The following CTNNA3 variants were observed in gnomAD, a reference collection of about 807,000 sequenced individuals.
CTNNA3 encodes the protein catenin alpha 3.
In CTNNA3, 76 loss-of-function variants were observed where a neutral mutation model predicts 95.7. That is an observed-to-expected ratio of 0.79 (90% CI 0.66 to 0.96). The LOEUF is 0.96. CTNNA3 is among the 40% of genes least tolerant of loss of function. The probability of loss-of-function intolerance (pLI) is 0.00; values close to 1 mark genes in which losing one functional copy is unlikely to be tolerated. For synonymous variants in CTNNA3, 431 were observed against 374.4 expected (o/e 1.15, Z -1.74); for missense variants, 1,191 against 1,089.8 (o/e 1.09, Z -1.31).
chr10:66,059,338 T>C (rs1002980521), intron 15 of CTNNA3, among the ~76,000 whole-genome samples: 2 of 152,144 alleles, frequency 1.3e-5, no homozygotes, highest in Non-Finnish European at 1.5e-5. Context: ...ATAATGAAGG[T>C]CCTTTCCGTT....
chr10:67,277,604 G>A (rs1472774674), intron 5 of CTNNA3, among the ~76,000 whole-genome samples: 2 of 152,100 alleles, frequency 1.3e-5, no homozygotes, highest in Non-Finnish European at 2.9e-5. Context: ...GTCACAGGAT[G>A]AGATGGGAAG....
At chr10:67,157,732 G>A (rs543386320) in intron 7 of CTNNA3, among the ~76,000 whole-genome samples, 15 of 152,244 alleles carry the variant, frequency 9.9e-5, no homozygotes, top group Admixed American at 8.5e-4. Context: ...TGGAGAAACT[G>A]TAATAAGAGA....
intron 1 of CTNNA3, among the ~76,000 whole-genome samples, chr10:67,744,366 G>A (rs932020443): frequency 6.6e-6 from 1 of 151,218 alleles, no homozygotes; most frequent in African/African-American, 2.4e-5. Context: ...ACAACTATCT[G>A]ATCTTTGACA....
At chr10:66,966,716 G>A (rs779692716) in intron 7 of CTNNA3, among the ~76,000 whole-genome samples, 7 of 152,014 alleles carry the variant, frequency 4.6e-5, no homozygotes, top group Non-Finnish European at 1.0e-4. Flanking sequence ...AAGTTTTGGG[G>A]TGATCACTGA....
chr10:66,178,442 TAC>T lies in CTNNA3; in HGVS notation c.1885-75195_1885-75194del, dbSNP rs1564733880. Among the ~76,000 whole-genome samples the T allele has an allele frequency of 1.0e-4, 10 of 95,492 alleles. No individual in the cohort carries two copies. In the South Asian group the frequency reaches 2.5e-3, roughly 24 times the overall value. The allele number at this position is 95,492 out of a possible 152,430, so 62.6% of individuals were successfully genotyped here. Reference sequence around the variant, plus strand: ...ATATATATATATATATATATATATATACACACACAGATATAGAAAGAGAGAGG... The same window carrying T: ...ATATATATATATATATATATATATATACACACAGATATAGAAAGAGAGAGG... On this transcript the variant is annotated intron_variant, in intron 13 of 17. Coordinates refer to ENST00000433211, the MANE Select transcript of CTNNA3 (RefSeq NM_013266.4).
chr10:66,431,347 A>T (rs977221490), intron 11 of CTNNA3, among the ~76,000 whole-genome samples: 9 of 152,322 alleles, frequency 5.9e-5, no homozygotes, highest in African/African-American at 9.6e-5. Flanking sequence ...GCAATTCCTC[A>T]GGGATCCAGA....
intron 13 of CTNNA3, among the ~76,000 whole-genome samples, chr10:66,280,078 C>T (rs1023759582): frequency 2.0e-5 from 3 of 151,956 alleles, no homozygotes; most frequent in Non-Finnish European, 2.9e-5. Flanking sequence ...TAAAATACCA[C>T]GTTTTCCTAT....
chr10:66,872,671 A>AAATAATAATAATAATAATAAT (rs35006931), intron 7 of CTNNA3, among the ~76,000 whole-genome samples: 3 of 145,506 alleles, frequency 2.1e-5, no homozygotes, highest in African/African-American at 8.0e-5. Flanking sequence ...CCCGTCTCAA[A>AAATAATAATAATAATAATAAT]AATAATAATA....
At chr10:67,395,530 C>T (rs1844678221) in intron 5 of CTNNA3, among the ~76,000 whole-genome samples, 1 of 152,200 alleles carries the variant, frequency 6.6e-6, no homozygotes, top group Admixed American at 6.5e-5. Context: ...AACATCAACA[C>T]TATGGTGCTG....
At chr10:67,098,017 AAC>A in intron 7 of CTNNA3, 1 of 562,060 alleles carries the variant, frequency 1.8e-6, no homozygotes, top group Admixed American at 3.1e-5. Flanking sequence ...TTTTGACTTA[AAC>A]AGAGTATGAC....
At chr10:67,703,835 T>A (rs1041156127) in intron 1 of CTNNA3, among the ~76,000 whole-genome samples, 8 of 152,230 alleles carry the variant, frequency 5.3e-5, no homozygotes, top group Non-Finnish European at 1.2e-4. Flanking sequence ...GAAGTCAAAT[T>A]GTCCCTGTTT....
intron 5 of CTNNA3, among the ~76,000 whole-genome samples, chr10:67,228,644 T>C (rs1437960810): frequency 1.3e-5 from 2 of 151,906 alleles, no homozygotes; most frequent in African/African-American, 4.8e-5. Context: ...CAGGAGATAT[T>C]ACAACTGATA....
chr10:67,025,636 T>A (rs889472761), intron 7 of CTNNA3, among the ~76,000 whole-genome samples: 1 of 152,216 alleles, frequency 6.6e-6, no homozygotes, highest in Non-Finnish European at 1.5e-5. Flanking sequence ...AAAATCTATA[T>A]AGCAAGTTGA....
At chr10:67,041,429 T>G (rs1854390587) in intron 7 of CTNNA3, among the ~76,000 whole-genome samples, 1 of 152,134 alleles carries the variant, frequency 6.6e-6, no homozygotes, top group Non-Finnish European at 1.5e-5. Flanking sequence ...ATACCTATGT[T>G]GCAAATATCA....
At chr10:66,834,517 G>C (rs1004666598) in intron 7 of CTNNA3, among the ~76,000 whole-genome samples, 1 of 152,180 alleles carries the variant, frequency 6.6e-6, no homozygotes, top group African/African-American at 2.4e-5. Context: ...AGCAAATTCA[G>C]TGACCTACCC....
In CTNNA3 at chr10:66,927,291, T is replaced by C. The variant is rs1462558592; in HGVS notation, c.1048-151767A>G. The C allele has an allele frequency of 6.2e-7, 1 of 1,614,042 alleles. No homozygotes were observed. Among genetic ancestry groups the C allele is most frequent in the Admixed American group, 1.7e-5 (1 of 60,002 alleles). On this transcript the variant is annotated intron_variant, in intron 7 of 17. Coordinates refer to ENST00000433211, the MANE Select transcript of CTNNA3 (RefSeq NM_013266.4). The surrounding 1 kb of genome is among the most constrained non-coding windows in gnomAD (Gnocchi z 4.7). The stretch of plus-strand genomic sequence containing the variant: ...GTTCCAATAGAATCTCCTATTTTCT[T>C]AACAATACCTTCAGACCTGTGACAA...
At chr10:66,887,462 T>C (rs1202056521) in intron 7 of CTNNA3, among the ~76,000 whole-genome samples, 1 of 152,160 alleles carries the variant, frequency 6.6e-6, no homozygotes, top group East Asian at 1.9e-4. Flanking sequence ...ATTACTTTTG[T>C]TAAACTCTTA....
At chr10:66,616,619 G>A (rs1341318465) in intron 10 of CTNNA3, among the ~76,000 whole-genome samples, 1 of 151,984 alleles carries the variant, frequency 6.6e-6, no homozygotes, top group Non-Finnish European at 1.5e-5. Flanking sequence ...CTATAACTGG[G>A]CAAAGCTTTA....
At chr10:66,825,340 A>T (rs554796955) in intron 7 of CTNNA3, among the ~76,000 whole-genome samples, 8 of 150,272 alleles carry the variant, frequency 5.3e-5, no homozygotes, top group African/African-American at 7.3e-5. Flanking sequence ...TGGTGGTGCA[A>T]TCTCAGCTCA....
Sources: gnomAD v4.1 joint callset for allele counts (sites outside exome capture counted in the v4.1 genomes callset) on GRCh38, gnomAD v4.1.1 for gene constraint, Gnocchi (gnomAD v3.1) non-coding constraint, MANE v1.5 for transcripts, NCBI Gene and HGNC (gene_info 2026-07-23, HGNC 2026-07-21) for gene names.